Variants in EPM2A observed in about 807,000 individuals in gnomAD.
The protein encoded by EPM2A is laforin.
Under a neutral mutation model 26.5 loss-of-function variants are expected in EPM2A, and 21 were observed. That is an observed-to-expected ratio of 0.79 (90% CI 0.56 to 1.14). EPM2A has a LOEUF of 1.14. Among genes scored for constraint, EPM2A ranks in the 50% most tolerant of loss-of-function variants. The probability of loss-of-function intolerance (pLI) is 0.00; values close to 1 mark genes in which losing one functional copy is unlikely to be tolerated. For missense variants in EPM2A, 458 were observed against 440.8 expected (o/e 1.04, Z -0.35); for synonymous variants, 217 against 177.6 (o/e 1.22, Z -1.76).
At chr6:145,701,918 AAAAGCGAGCAAG>A (rs1781934029) in intron 1 of EPM2A, among the ~76,000 whole-genome samples, 1 of 152,204 alleles carries the variant, frequency 6.6e-6, no homozygotes, top group Non-Finnish European at 1.5e-5. Flanking sequence ...CACACACAAA[AAAAGCGAGCAAG>A]AAAGAGAGTA....
chr6:145,509,896 T>C (rs1400133255), intron 2 of EPM2A, among the ~76,000 whole-genome samples: 2 of 152,090 alleles, frequency 1.3e-5, no homozygotes, highest in Non-Finnish European at 2.9e-5. Context: ...GAAAGGTCTA[T>C]CATTCAAATG....
chr6:145,442,302 C>T (rs530197621), intron 4 of EPM2A, among the ~76,000 whole-genome samples: 22 of 152,128 alleles, frequency 1.4e-4, no homozygotes, highest in Non-Finnish European at 2.9e-4. Context: ...ACCCCACTCC[C>T]GGTACCAATT....
intron 4 of EPM2A, among the ~76,000 whole-genome samples, chr6:145,411,852 C>A (rs1357841375): frequency 1.3e-5 from 2 of 152,072 alleles, no homozygotes; most frequent in Non-Finnish European, 2.9e-5. Context: ...GCCCTTTTTA[C>A]AATAGTAGGT....
chr6:145,662,343 T>A (rs1582994640), intron 2 of EPM2A, among the ~76,000 whole-genome samples: 1 of 152,236 alleles, frequency 6.6e-6, no homozygotes, highest in African/African-American at 2.4e-5. Flanking sequence ...AATTTATCAT[T>A]TTTGATATGC....
At chr6:145,701,987 G>A (rs181076933) in intron 1 of EPM2A, among the ~76,000 whole-genome samples, 3 of 152,032 alleles carry the variant, frequency 2.0e-5, no homozygotes, top group African/African-American at 2.4e-5. Context: ...ATACCTCTTC[G>A]CTATAACACA....
intron 4 of EPM2A, among the ~76,000 whole-genome samples, chr6:145,457,170 T>C (rs1246037936): frequency 6.6e-6 from 1 of 152,220 alleles, no homozygotes; most frequent in South Asian, 2.1e-4. Flanking sequence ...AAAGTTTTTC[T>C]GCTAATAAGT....
In EPM2A at chr6:145,597,317, A is replaced by G. The variant is rs9497363; in HGVS notation, c.340+37928T>C. Among the ~76,000 whole-genome samples, 798 of 152,328 alleles carry G rather than the reference A, an allele frequency of 5.2e-3. 4 individuals carry two copies. Among genetic ancestry groups the G allele is most frequent in the African/African-American group, 0.018 (764 of 41,586 alleles). ...AATTCTTAGAGACTTTATGATTCTG[A>G]AAATATCTTCTTCTACACTTACATT... is the stretch of plus-strand genomic sequence containing the variant. On this transcript the variant is annotated intron_variant, in intron 2 of 3. Transcript: ENST00000450221.
chr6:145,403,523 T>A (rs576897424), intron 4 of EPM2A, among the ~76,000 whole-genome samples: 49 of 152,214 alleles, frequency 3.2e-4, no homozygotes, highest in Admixed American at 3.3e-4. Flanking sequence ...TCATGTGATG[T>A]CTTTCTGTCC....
intron 4 of EPM2A, among the ~76,000 whole-genome samples, chr6:145,415,203 A>C (rs1778691965): frequency 6.6e-6 from 1 of 152,232 alleles, no homozygotes; most frequent in South Asian, 2.1e-4. Flanking sequence ...GCTAGAACAG[A>C]ACACATCAAA....
intron 2 of EPM2A, among the ~76,000 whole-genome samples, chr6:145,662,782 G>A (rs568755168): frequency 2.0e-5 from 3 of 152,104 alleles, no homozygotes; most frequent in Non-Finnish European, 2.9e-5. Context: ...TCAAGGATGG[G>A]GTTCTTGCTA....
downstream of EPM2A, among the ~76,000 whole-genome samples, chr6:145,498,539 A>T (rs1779849603): frequency 6.6e-6 from 1 of 152,144 alleles, no homozygotes; most frequent in African/African-American, 2.4e-5. Context: ...ATCTCCTGAC[A>T]CGAGAGTTTC....
At chr6:145,673,932 C>G (rs1443681143) in intron 2 of EPM2A, among the ~76,000 whole-genome samples, 1 of 152,160 alleles carries the variant, frequency 6.6e-6, no homozygotes, top group African/African-American at 2.4e-5. Context: ...CAGTGGTTCT[C>G]CCAGCAGTGG....
intron 4 of EPM2A, among the ~76,000 whole-genome samples, chr6:145,478,935 T>C (rs1166464808): frequency 6.6e-6 from 1 of 151,806 alleles, no homozygotes; most frequent in East Asian, 1.9e-4. Flanking sequence ...TGTTATACTA[T>C]GTGCTTGTTT....
At chr6:145,544,838 G>A (rs1780563460) in intron 2 of EPM2A, among the ~76,000 whole-genome samples, 2 of 152,112 alleles carry the variant, frequency 1.3e-5, no homozygotes, top group African/African-American at 2.4e-5. Flanking sequence ...TCCTGTGTGG[G>A]TTCCCAGGGT....
At chr6:145,583,265 T>A (rs6570692) in intron 2 of EPM2A, among the ~76,000 whole-genome samples, 65,222 of 151,884 alleles carry the variant, frequency 0.43, 14,551 homozygotes, top group African/African-American at 0.52. Context: ...TTGCATTAGT[T>A]CTTTCTTATT....
rs1775775863 is a variant in EPM2A, at chr6:145,625,861, T to C, written c.*1555A>G. The C allele has an allele frequency of 2.0e-6, 3 of 1,513,992 alleles. No homozygotes were observed. The highest frequency in any genetic ancestry group is 2.5e-5 in the East Asian group (1 of 40,470). The allele number at this position is 1,513,992 out of a possible 1,614,324, so 93.8% of individuals were successfully genotyped here. On this transcript the variant is annotated 3_prime_UTR_variant, in exon 4 of 4. Coordinates refer to ENST00000367519, the MANE Select transcript of EPM2A (RefSeq NM_005670.4). ...TAAGAGTCTCTTGCATCTATCAATATGTGTTTGTGGAAGAAAGGAAGGTGC... is the reference window on the plus strand; with the variant it reads ...TAAGAGTCTCTTGCATCTATCAATACGTGTTTGTGGAAGAAAGGAAGGTGC...
At chr6:145,541,718 AATG>A (rs1421613104) in intron 2 of EPM2A, among the ~76,000 whole-genome samples, 1 of 152,140 alleles carries the variant, frequency 6.6e-6, no homozygotes, top group Non-Finnish European at 1.5e-5. Flanking sequence ...ATGGCCATAA[AATG>A]ATGAGGATCC....
chr6:145,653,451 T>C (rs1361155540), intron 2 of EPM2A, among the ~76,000 whole-genome samples: 1 of 152,220 alleles, frequency 6.6e-6, no homozygotes, highest in African/African-American at 2.4e-5. Context: ...TAAACCTTTT[T>C]TCTTTATAAA....
chr6:145,481,339 A>G (rs1779609441), intron 4 of EPM2A, among the ~76,000 whole-genome samples: 1 of 152,144 alleles, frequency 6.6e-6, no homozygotes, highest in Non-Finnish European at 1.5e-5. Flanking sequence ...TTTAAACTGG[A>G]GAATTTTCAG....
Sources: allele counts gnomAD v4.1 joint callset (sites outside exome capture counted in the v4.1 genomes callset), GRCh38; gene constraint gnomAD v4.1.1; transcripts MANE v1.5; gene names NCBI Gene and HGNC (gene_info 2026-07-23, HGNC 2026-07-21).